PCDHGA11: variants seen among roughly 807,000 people sequenced by gnomAD.
The protein encoded by PCDHGA11 is protocadherin gamma-A11.
Under a neutral mutation model 60.4 loss-of-function variants are expected in PCDHGA11, and 39 were observed. That is an observed-to-expected ratio of 0.65 (90% confidence interval 0.50 to 0.84). PCDHGA11 has a LOEUF of 0.84. PCDHGA11 is among the 40% of genes least tolerant of loss of function. The probability of loss-of-function intolerance (pLI) is 0.00; values close to 1 mark genes in which losing one functional copy is unlikely to be tolerated. For missense variants in PCDHGA11, 1,165 were observed against 1,197.7 expected (o/e 0.97, Z 0.40); for synonymous variants, 533 against 510.3 (o/e 1.04, Z -0.60).
chr5:141,433,234 C>T (rs773942024), intron 1 of PCDHGA11: 3 of 1,512,746 alleles, frequency 2.0e-6, no homozygotes, highest in Middle Eastern at 1.8e-4. Flanking sequence ...TGCTCTGTCT[C>T]CCAAGCTGGA....
At chr5:141,479,823 G>A (rs1208437635) in intron 1 of PCDHGA11, among the ~76,000 whole-genome samples, 1 of 152,172 alleles carries the variant, frequency 6.6e-6, no homozygotes, top group Admixed American at 6.5e-5. Context: ...TACTATCCAA[G>A]GCATGGTATC....
At chr5:141,480,698 C>T (rs1394538159) in intron 1 of PCDHGA11, among the ~76,000 whole-genome samples, 1 of 152,198 alleles carries the variant, frequency 6.6e-6, no homozygotes, top group Admixed American at 6.5e-5. Context: ...ACCCAGGCCA[C>T]ACCCCGACAA....
rs142995927 is a variant in PCDHGA11, at chr5:141,489,933, C to T, written c.2434-4874C>T. 38 of 1,614,064 alleles carry T rather than the reference C, an allele frequency of 2.4e-5. No homozygotes were observed. The highest frequency in any genetic ancestry group is 1.8e-4 in the South Asian group (16 of 91,084). On this transcript the variant is annotated intron_variant, in intron 1 of 3. Transcript: ENST00000398587. This position sits in a 1 kb window ranked among gnomAD's most constrained non-coding sequence, Gnocchi z 4.5. ...CAGGGACCACCCTTATCTCTGTCAT[C>T]GTGCTGGACATCAATGATAATGCTC...
chr5:141,445,188 G>A (rs1267342449), intron 1 of PCDHGA11, among the ~76,000 whole-genome samples: 5 of 152,198 alleles, frequency 3.3e-5, no homozygotes, highest in South Asian at 2.1e-4. Flanking sequence ...ATGTTTTTAT[G>A]TATTCTATAT....
At chr5:141,460,177 T>C (rs1021646181) in intron 1 of PCDHGA11, among the ~76,000 whole-genome samples, 13 of 152,138 alleles carry the variant, frequency 8.5e-5, no homozygotes, top group African/African-American at 3.1e-4. Context: ...TTGTGGATAT[T>C]TTATCCCAGA....
intron 1 of PCDHGA11, among the ~76,000 whole-genome samples, chr5:141,433,818 CA>C (rs2097653666): frequency 7.5e-6 from 1 of 133,558 alleles, no homozygotes; most frequent in African/African-American, 2.9e-5. Flanking sequence ...GCCTGGGCAA[CA>C]AGAGTGAAAC....
chr5:141,479,050 C>G (rs1484021560), intron 1 of PCDHGA11, among the ~76,000 whole-genome samples: 1 of 152,164 alleles, frequency 6.6e-6, no homozygotes, highest in South Asian at 2.1e-4. Context: ...ACCTCATTCT[C>G]AGATAATTTT....
At position 141,486,250 on chromosome 5, in the gene PCDHGA11, C is replaced by T; in HGVS notation, c.2434-8557C>T. 1 of 1,614,140 alleles carries T rather than the reference C, an allele frequency of 6.2e-7. No homozygotes were observed. The highest frequency in any genetic ancestry group is 2.2e-5 in the East Asian group (1 of 44,872). On this transcript the variant is annotated intron_variant, in intron 1 of 3. Coordinates refer to ENST00000398587, the MANE Select transcript of PCDHGA11 (RefSeq NM_018914.3). The surrounding 1 kb of genome is among the most constrained non-coding windows in gnomAD (Gnocchi z 5.0). ...CAGTGACCTCAGAGCTTGGAACCCT[C>T]CCCGAGAGTGCAGAACCTGGCACTG...
chr5:141,489,080 C>CCCA lies in PCDHGA11; in HGVS notation c.2434-5727_2434-5726insCCA. On this transcript the variant is annotated intron_variant, in intron 1 of 3. Coordinates refer to ENST00000398587, the MANE Select transcript of PCDHGA11 (RefSeq NM_018914.3). This position sits in a 1 kb window ranked among gnomAD's most constrained non-coding sequence, Gnocchi z 4.5. ...TCCCCTCCCCCCTGCCCACCCCCGC[C>CCCA]ACTCGGTGACTAAGAACTGCTGCAA... 3.0e-6 allele frequency: 1 copy of CCCA among 336,172 alleles called. No individual in the cohort carries two copies. The highest frequency in any genetic ancestry group is 5.5e-5 in the East Asian group (1 of 18,342). 20.8% of individuals were successfully genotyped at this position (336,172 alleles called of 1,614,324 possible).
intron 2 of PCDHGA11, among the ~76,000 whole-genome samples, chr5:141,499,283 G>T (rs1460838051): frequency 6.6e-6 from 1 of 152,066 alleles, no homozygotes; most frequent in Non-Finnish European, 1.5e-5. Context: ...TTCTCTGATG[G>T]CTCCACACTA....
intron 1 of PCDHGA11, among the ~76,000 whole-genome samples, chr5:141,474,788 A>G (rs1426105047): frequency 6.6e-6 from 1 of 152,232 alleles, no homozygotes; most frequent in Non-Finnish European, 1.5e-5. Context: ...AACACTTTAC[A>G]TCTAATGGAG....
intron 1 of PCDHGA11, chr5:141,430,640 G>A (rs902915974): frequency 1.1e-6 from 1 of 916,196 alleles, no homozygotes; most frequent in East Asian, 2.7e-5. Flanking sequence ...ATCCCTGGGA[G>A]TATGTGGAAA....
At chr5:141,500,667 TC>T (rs1032555959) in intron 2 of PCDHGA11, among the ~76,000 whole-genome samples, 26 of 152,194 alleles carry the variant, frequency 1.7e-4, no homozygotes, top group African/African-American at 6.0e-4. Flanking sequence ...GGCCATACTG[TC>T]CAACAGAATT....
At chr5:141,505,239 G>A (rs2099844708) in intron 2 of PCDHGA11, 154 bp from the exon 3 acceptor site, 1 of 886,092 alleles carries the variant, frequency 1.1e-6, no homozygotes, top group Middle Eastern at 5.9e-4. Context: ...GCTTCTGAAG[G>A]ATTGTAGAAG....
intron 1 of PCDHGA11, chr5:141,427,780 TGTCGTCCTAC>T (rs892399327): frequency 8.9e-6 from 13 of 1,455,886 alleles, no homozygotes; most frequent in Middle Eastern, 1.7e-4. Context: ...CTGCGGGCAC[TGTCGTCCTAC>T]GTGTCCGTGA....
intron 3 of PCDHGA11, among the ~76,000 whole-genome samples, chr5:141,507,645 G>A (rs565235954): frequency 6.6e-6 from 1 of 152,382 alleles, no homozygotes; most frequent in South Asian, 2.1e-4. Flanking sequence ...CTGAGGCCAG[G>A]AAGCAGCTTT....
intron 2 of PCDHGA11, among the ~76,000 whole-genome samples, chr5:141,497,393 CT>C (rs1035907100): frequency 2.1e-4 from 32 of 152,254 alleles, no homozygotes; most frequent in African/African-American, 7.5e-4. Context: ...CACCTTACCC[CT>C]GCCTCAACTC....
In PCDHGA11 at chr5:141,485,079, A is replaced by C; in HGVS notation, c.2434-9728A>C. ...AACCGCGCCAGAGCTGGCGCGGGGA[A>C]AGGGAGATAGGTGTCTCCAGCTGCT... is the stretch of plus-strand genomic sequence containing the variant. On this transcript the variant is annotated intron_variant, in intron 1 of 3. Transcript: ENST00000398587. This position sits in a 1 kb window ranked among gnomAD's most constrained non-coding sequence, Gnocchi z 5.7. 1 of 949,456 alleles carries C rather than the reference A, an allele frequency of 1.1e-6. No individual in the cohort carries two copies. The highest frequency in any genetic ancestry group is 1.6e-6 in the Non-Finnish European group (1 of 614,758). 58.8% of individuals were successfully genotyped at this position (949,456 alleles called of 1,614,324 possible).
intron 2 of PCDHGA11, among the ~76,000 whole-genome samples, chr5:141,497,879 G>T (rs62379207): frequency 2.0e-5 from 3 of 152,128 alleles, no homozygotes; most frequent in Admixed American, 6.5e-5. Flanking sequence ...TGAAATAAGC[G>T]TTAGGATCTA....
Sources: allele counts gnomAD v4.1 joint callset (sites outside exome capture counted in the v4.1 genomes callset), GRCh38; gene constraint gnomAD v4.1.1; non-coding constraint Gnocchi (gnomAD v3.1); transcripts MANE v1.5; gene names NCBI Gene and HGNC (gene_info 2026-07-23, HGNC 2026-07-21).